Variants in ECSIT observed in about 807,000 individuals in gnomAD.
The protein encoded by ECSIT is evolutionarily conserved signaling intermediate in Toll pathway, mitochondrial.
ECSIT carries 29 observed loss-of-function variants against 36.8 expected under a neutral mutation model. The ratio of observed to expected loss-of-function variants is 0.79; its 90% CI spans 0.59 to 1.08. The LOEUF is 1.08. Ranked by LOEUF, ECSIT falls within the 50% of genes least tolerant of loss-of-function variation. The probability of loss-of-function intolerance (pLI) is 0.00; values close to 1 mark genes in which losing one functional copy is unlikely to be tolerated. For synonymous variants in ECSIT, 231 were observed against 234.8 expected, an observed-to-expected ratio of 0.98 and a Z score of 0.15; for missense variants, 542 against 581.0, an observed-to-expected ratio of 0.93 and a Z score of 0.69.
rs758068826 is a variant in ECSIT, at chr19:11,506,393, C to A, written c.1087G>T (p.Gly363Cys). Reference sequence around the variant, plus strand: ...GCCATCGTCGCCTGGTCATGAGCACCCGCCATGCACATGGCGAAGACAGGG... The same window carrying A: ...GCCATCGTCGCCTGGTCATGAGCACACGCCATGCACATGGCGAAGACAGGG... Reference protein sequence around the residue: ...EGPVFAMCMAGAHDQATMAKW... With the variant: ...EGPVFAMCMACAHDQATMAKW... The change falls in exon 8 of 8, where the codon GGT becomes TGT. Residue 363 changes from glycine to cysteine, a missense_variant. By Grantham distance (159) the Gly-to-Cys change is radical (BLOSUM62 -3). Transcript: ENST00000270517. 1.2e-6 allele frequency: 2 copies of A among 1,613,462 alleles called. No individual in the cohort carries two copies. The highest frequency in any genetic ancestry group is 1.7e-6 in the Non-Finnish European group (2 of 1,179,722).
In ECSIT at chr19:11,522,483, C is replaced by T. The variant is rs1417510129; in HGVS notation, c.-23-3290G>A. The T allele has an allele frequency of 2.3e-6, 3 of 1,304,134 alleles. No homozygotes were observed. In the East Asian group the frequency reaches 7.0e-5, roughly 31 times the overall value. 80.8% of individuals were successfully genotyped at this position (1,304,134 alleles called of 1,614,324 possible). A position where few individuals can be genotyped will look rare whatever the true frequency, so the allele number is the denominator to read the frequency against. ...AGCCACGCTTCACCACCAAAAGGCC[C>T]AACACCTTCTTCTAGGGGTAGGGCC... On this transcript the variant is annotated intron_variant, in intron 1 of 7. Transcript: ENST00000270517.
At chr19:11,515,612 A>G in intron 2 of ECSIT, among the ~76,000 whole-genome samples, 1 of 152,106 alleles carries the variant, frequency 6.6e-6, no homozygotes, top group East Asian at 1.9e-4. Context: ...GCCTGCCACC[A>G]TGCCCAGCTA....
chr19:11,527,968 C>A (rs1054894063), intron 1 of ECSIT, among the ~76,000 whole-genome samples: 1 of 152,044 alleles, frequency 6.6e-6, no homozygotes, highest in Non-Finnish European at 1.5e-5. Flanking sequence ...CCACTGCACT[C>A]CAGGCTTGAC....
rs376464617 is a variant in ECSIT, at chr19:11,519,139, C to T, written c.32G>A (p.Arg11Gln). 40 of 1,550,474 alleles carry T rather than the reference C, an allele frequency of 2.6e-5. No homozygotes were observed. In the South Asian group the frequency reaches 3.3e-4, roughly 13 times the overall value. MSWVQATLLA[R>Q]GLCRAWGGTC... ...GCCTCCCCAGGCCCTACAGAGGCCT[C>T]GGGCCAGTAGGGTGGCCTGGACCCA... The change falls in exon 2 of 8, where the codon CGA becomes CAA. Residue 11 changes from arginine (R) to glutamine (Q), a missense_variant. Coordinates refer to ENST00000270517, the MANE Select transcript of ECSIT (RefSeq NM_016581.5). The surrounding 1 kb of genome is among the most constrained non-coding windows in gnomAD (Gnocchi z 4.4).
chr19:11,523,608 G>C, intron 1 of ECSIT: 1 of 927,148 alleles, frequency 1.1e-6, no homozygotes, highest in South Asian at 1.3e-5. Flanking sequence ...ACTGTGATAA[G>C]CCTATGTATG....
intron 4 of ECSIT, among the ~76,000 whole-genome samples, chr19:11,508,545 C>T (rs1004844982): frequency 6.6e-6 from 1 of 151,922 alleles, no homozygotes; most frequent in African/African-American, 2.4e-5. Context: ...ACCACTATGC[C>T]TGGCTAATTT....
chr19:11,515,166 C>T (rs1333073274), intron 2 of ECSIT, among the ~76,000 whole-genome samples: 3 of 147,040 alleles, frequency 2.0e-5, no homozygotes, highest in Non-Finnish European at 3.0e-5. Context: ...TGCAGTGGCG[C>T]GATCTCGGCT....
At chr19:11,510,452 A>G (rs1971846941) in intron 4 of ECSIT, among the ~76,000 whole-genome samples, 2 of 152,094 alleles carry the variant, frequency 1.3e-5, no homozygotes, top group African/African-American at 4.8e-5. Flanking sequence ...TGCTGGGATT[A>G]CAGGCATGAG....
Position 11,506,269 on chromosome 19 carries a change from G to A in ECSIT, c.1211C>T (p.Ser404Phe). The A allele has an allele frequency of 6.2e-7, 1 of 1,611,828 alleles. No homozygotes were observed. Among genetic ancestry groups the A allele is most frequent in the South Asian group, 1.1e-5 (1 of 91,086 alleles). Residue 404 changes from serine to phenylalanine, a missense_variant, in exon 8 of 8, where the codon TCT (serine) becomes TTT (phenylalanine). Coordinates refer to ENST00000270517, the MANE Select transcript of ECSIT (RefSeq NM_016581.5). Reference protein sequence around the residue: ...AGSTRELQTSSAGLEEPPLPE... With the variant: ...AGSTRELQTSFAGLEEPPLPE... ...CAGGGGCGGCTCCTCCAGCCCTGCA[G>A]AGGATGTCTGGAGCTCCCGGGTGGA...
At position 11,519,058 on chromosome 19, in the gene ECSIT, GC is replaced by G; in HGVS notation, c.96+16del. 6.5e-7 allele frequency: 1 copy of G among 1,548,290 alleles called. No homozygotes were observed. The highest frequency in any genetic ancestry group is 1.2e-5 in the South Asian group (1 of 83,962). ...CTTACCTCCCTCTACCCAAAAGACT[GC>G]CTGGCTGGTGCTTACCTGAGAGATG... On this transcript the variant is annotated intron_variant, in intron 2 of 7. Coordinates refer to ENST00000270517, the MANE Select transcript of ECSIT (RefSeq NM_016581.5). This position sits in a 1 kb window ranked among gnomAD's most constrained non-coding sequence, Gnocchi z 4.4.
chr19:11,516,481 C>T (rs1972000148), intron 2 of ECSIT, among the ~76,000 whole-genome samples: 1 of 151,276 alleles, frequency 6.6e-6, no homozygotes, highest in Non-Finnish European at 1.5e-5. Flanking sequence ...GAGACTCCAT[C>T]TCTCTATGAA....
rs759248886 is a variant in ECSIT, at chr19:11,507,476, G to A, written c.1032C>T (p.Tyr344=). The change falls in exon 7 of 8, where the codon TAC becomes TAT. Residue 344 remains tyrosine (Y), a synonymous_variant. Transcript: ENST00000270517. ...TTTTACCTTCATTGATGTCAAACTC[G>A]TAGTTGTCCCAGCCACTCCTCACAT... The part of the protein sequence containing the change: ...LEYVRSGWDN[Y]EFDINEVEEG... 1.3e-5 allele frequency: 21 copies of A among 1,613,870 alleles called. No homozygotes were observed. The highest frequency in any genetic ancestry group is 4.0e-5 in the African/African-American group (3 of 74,946).
chr19:11,521,112 G>C (rs894415578), intron 1 of ECSIT, among the ~76,000 whole-genome samples: 1 of 152,122 alleles, frequency 6.6e-6, no homozygotes, highest in Non-Finnish European at 1.5e-5. Flanking sequence ...ACTGTTTTTG[G>C]AATGGAATAT....
At position 11,513,993 on chromosome 19, in the gene ECSIT, A is replaced by C; in HGVS notation, c.325T>G (p.Phe109Val). Residue 109 changes from phenylalanine to valine, a missense_variant, in exon 3 of 8, where the codon TTC (phenylalanine) becomes GTC (valine). Coordinates refer to ENST00000270517, the MANE Select transcript of ECSIT (RefSeq NM_016581.5). ...HSVRKRGHIDFIYLALRKMRE... is the reference protein window; with the variant it reads ...HSVRKRGHIDVIYLALRKMRE... ...ATCTTGCGCAGGGCCAGGTAGATGA[A>C]GTCAATGTGGCCCCGCTTACGCACG... 6.2e-7 allele frequency: 1 copy of C among 1,614,212 alleles called. No homozygotes were observed.
chr19:11,518,667 G>A (rs138670898), intron 2 of ECSIT, among the ~76,000 whole-genome samples: 124 of 152,200 alleles, frequency 8.1e-4, no homozygotes, highest in African/African-American at 2.8e-3. Flanking sequence ...GGAGGCTGAC[G>A]CAGGTGGATC....
Position 11,513,169 on chromosome 19 carries a change from T to C in ECSIT, c.625A>G (p.Asn209Asp). 1 of 1,614,100 alleles carries C rather than the reference T, an allele frequency of 6.2e-7. No homozygotes were observed. The highest frequency in any genetic ancestry group is 1.1e-5 in the South Asian group (1 of 91,070). The change falls in exon 4 of 8, where the codon AAC becomes GAC. Residue 209 changes from asparagine to aspartate, a missense_variant. By Grantham distance (23) the Asn-to-Asp change is conservative. Coordinates refer to ENST00000270517, the MANE Select transcript of ECSIT (RefSeq NM_016581.5). ...CGGGGCACTGGGAAGGGGTTGACGTTCATGAATCGAGGGAACCACAGCTTC... is the reference window on the plus strand; with the variant it reads ...CGGGGCACTGGGAAGGGGTTGACGTCCATGAATCGAGGGAACCACAGCTTC... ...RLKLWFPRFMNVNPFPVPRDL... is the reference protein window; with the variant it reads ...RLKLWFPRFMDVNPFPVPRDL...
At chr19:11,524,331 G>A (rs1285659485) in intron 1 of ECSIT, among the ~76,000 whole-genome samples, 1 of 152,018 alleles carries the variant, frequency 6.6e-6, no homozygotes, top group African/African-American at 2.4e-5. Flanking sequence ...AGACTATCCT[G>A]GCCAACATTG....
chr19:11,513,387 A>G, intron 3 of ECSIT, 108 bp from the exon 4 acceptor site: 1 of 963,376 alleles, frequency 1.0e-6, no homozygotes, highest in East Asian at 2.5e-5. Context: ...GACAGGGAGA[A>G]AAGAATCAGA....
intron 1 of ECSIT, chr19:11,523,731 C>T: frequency 5.8e-6 from 4 of 683,892 alleles, no homozygotes; most frequent in Non-Finnish European, 1.1e-5. Flanking sequence ...GAAGGGAAAC[C>T]CTGTAAAGTG....
Sources: allele counts gnomAD v4.1 joint callset (sites outside exome capture counted in the v4.1 genomes callset), GRCh38; gene constraint gnomAD v4.1.1; non-coding constraint Gnocchi (gnomAD v3.1); transcripts MANE v1.5; gene names NCBI Gene and HGNC (gene_info 2026-07-23, HGNC 2026-07-21).